Variants in SERINC1 observed in about 807,000 individuals in gnomAD.
The protein encoded by SERINC1 is tumor differentially expressed protein 2.
Under a neutral mutation model 52.9 loss-of-function variants are expected in SERINC1, and 38 were observed. The observed-to-expected ratio is 0.72, with a 90% CI of 0.55 to 0.94. The LOEUF is 0.94. Ranked by LOEUF, SERINC1 falls within the 40% of genes least tolerant of loss-of-function variation. SERINC1 has a pLI of 0.00. For synonymous variants in SERINC1, 198 were observed against 183.1 expected, an observed-to-expected ratio of 1.08 and a Z score of -0.66; for missense variants, 471 against 533.9, an observed-to-expected ratio of 0.88 and a Z score of 1.16.
At position 122,467,646 on chromosome 6, in the gene SERINC1, T is replaced by C. The variant is rs187368990; in HGVS notation, c.39+4053A>G. 2.6e-3 allele frequency among the ~76,000 whole-genome samples: 400 copies of C among 152,276 alleles called. 1 individual carries two copies. The highest frequency in any genetic ancestry group is 9.4e-3 in the African/African-American group (391 of 41,562). On this transcript the variant is annotated intron_variant, in intron 1 of 9. Transcript: ENST00000339697. Reference sequence around the variant, plus strand: ...GCAAACCAATGAACAAAAAATGTTGTGCATGAAAGGAAAAGTCATTGCATA... The same window carrying C: ...GCAAACCAATGAACAAAAAATGTTGCGCATGAAAGGAAAAGTCATTGCATA...
At chr6:122,460,482 A>C (rs183340741) in intron 1 of SERINC1, among the ~76,000 whole-genome samples, 7 of 152,352 alleles carry the variant, frequency 4.6e-5, no homozygotes, top group Non-Finnish European at 1.5e-5. Flanking sequence ...TTGGGTAAAG[A>C]TATCAGAAGG....
intron 5 of SERINC1, among the ~76,000 whole-genome samples, chr6:122,452,730 C>T (rs974927018): frequency 4.6e-5 from 7 of 152,114 alleles, no homozygotes; most frequent in Admixed American, 4.6e-4. Flanking sequence ...CCTGGGGATA[C>T]AGCAGGGAAC....
rs763838889 is a variant in SERINC1, at chr6:122,456,434, GAAGAGGCTACCC to G, written c.371+35_371+46del. 7 of 1,234,144 alleles carry G rather than the reference GAAGAGGCTACCC, an allele frequency of 5.7e-6. No individual in the cohort carries two copies. The South Asian group carries it at 1.4e-4, about 25-fold the overall frequency. 76.4% of individuals were successfully genotyped at this position (1,234,144 alleles called of 1,614,324 possible). On this transcript the variant is annotated intron_variant, in intron 3 of 9. Transcript: ENST00000339697. Reference sequence around the variant, plus strand: ...CCTTGGATAAACTGGCAATTATCAAGAAGAGGCTACCCAAGCTTTTATATTGAAGCTTATTTA... The same window carrying G: ...CCTTGGATAAACTGGCAATTATCAAGAAGCTTTTATATTGAAGCTTATTTA...
intron 7 of SERINC1, 62 bp from the exon 8 acceptor site, chr6:122,447,327 C>T (rs1774823754): frequency 7.3e-7 from 1 of 1,375,588 alleles, no homozygotes; most frequent in African/African-American, 1.4e-5. Flanking sequence ...TCAGAGCAAA[C>T]AAAAGTTATT....
intron 9 of SERINC1, among the ~76,000 whole-genome samples, chr6:122,445,813 GA>G (rs1019866531): frequency 2.8e-4 from 20 of 71,834 alleles, no homozygotes; most frequent in Non-Finnish European, 4.0e-4. Flanking sequence ...GTGAACCTGG[GA>G]GACAGCTTGC....
rs761273400 is a variant in SERINC1, at chr6:122,445,026, T to C, written c.*18A>G. The C allele has an allele frequency of 1.9e-6, 3 of 1,603,452 alleles. No homozygotes were observed. Among genetic ancestry groups the C allele is most frequent in the Non-Finnish European group, 1.7e-6 (2 of 1,175,784 alleles). On this transcript the variant is annotated 3_prime_UTR_variant, in exon 10 of 10. Transcript: ENST00000339697. ...ATAAGCAATAATCAAAGTGGGACTT[T>C]CATGCTAGAAGTCTCACTCAGTCAA...
chr6:122,454,144 T>G lies in SERINC1; in HGVS notation c.451+7A>C, dbSNP rs1469875746. The G allele has an allele frequency of 6.7e-7, 1 of 1,494,944 alleles. No homozygotes were observed. The highest frequency in any genetic ancestry group is 1.7e-4 in the Middle Eastern group (1 of 5,776). 92.6% of individuals were successfully genotyped at this position (1,494,944 alleles called of 1,614,324 possible). A position where few individuals can be genotyped will look rare whatever the true frequency, so the allele number is the denominator to read the frequency against. On this transcript the variant is annotated splice_region_variant and intron_variant, in intron 4 of 9. Transcript: ENST00000339697. The stretch of plus-strand genomic sequence containing the variant: ...CAATGTCAAACAACTTAAAAAGGAT[T>G]TCTTACCAGTTGTAAAAGTTCCTTC...
At chr6:122,457,804 C>CAT (rs60098882) in intron 2 of SERINC1, among the ~76,000 whole-genome samples, 3,169 of 147,332 alleles carry the variant, frequency 0.022, 77 homozygotes, top group African/African-American at 0.064. Flanking sequence ...GTAAGACATA[C>CAT]ATATATATAT....
At chr6:122,451,776 A>AAAAAT in intron 6 of SERINC1, 22 bp from the exon 7 acceptor site, 10 of 113,048 alleles carry the variant, frequency 8.8e-5, no homozygotes, top group Non-Finnish European at 1.4e-4. Context: ...AAAAAAAAAA[A>AAAAAT]ATATATATAT....
intron 3 of SERINC1, chr6:122,454,643 C>A (rs1273597583): frequency 6.0e-6 from 1 of 165,634 alleles, no homozygotes; most frequent in Admixed American, 6.4e-5. Context: ...CTACTGGACA[C>A]TGGCTCTGAG....
intron 1 of SERINC1, among the ~76,000 whole-genome samples, chr6:122,468,215 T>C (rs1775218978): frequency 6.6e-6 from 1 of 152,230 alleles, no homozygotes; most frequent in African/African-American, 2.4e-5. Context: ...CCAACTTCAA[T>C]GTCTTATACA....
chr6:122,471,230 C>A (rs567359371), intron 1 of SERINC1, among the ~76,000 whole-genome samples: 6 of 152,068 alleles, frequency 3.9e-5, no homozygotes, highest in Middle Eastern at 6.8e-3. Context: ...ATCTGCGCCA[C>A]TGAACAAAGA....
At chr6:122,445,929 C>T (rs999590149) in intron 9 of SERINC1, among the ~76,000 whole-genome samples, 10 of 142,936 alleles carry the variant, frequency 7.0e-5, no homozygotes, top group South Asian at 2.3e-4. Context: ...TAGCTTAATA[C>T]GCTACAGTGT....
intron 1 of SERINC1, among the ~76,000 whole-genome samples, chr6:122,459,643 G>A (rs1775065518): frequency 1.3e-5 from 2 of 152,138 alleles, no homozygotes; most frequent in African/African-American, 2.4e-5. Flanking sequence ...TAAGGCATAT[G>A]AAGAATTCAG....
At chr6:122,469,034 AAT>A (rs1775230920) in intron 1 of SERINC1, among the ~76,000 whole-genome samples, 1 of 152,202 alleles carries the variant, frequency 6.6e-6, no homozygotes, top group Non-Finnish European at 1.5e-5. Flanking sequence ...TGTTTAAAGT[AAT>A]TAACAATCAA....
intron 1 of SERINC1, among the ~76,000 whole-genome samples, chr6:122,469,979 T>C (rs72958541): frequency 0.031 from 4,761 of 152,198 alleles, 113 homozygotes; most frequent in Non-Finnish European, 0.046. Flanking sequence ...TGGCCTGCAG[T>C]AAAATCAAAC....
chr6:122,458,297 A>C (rs1476643212), intron 2 of SERINC1, among the ~76,000 whole-genome samples: 3 of 152,106 alleles, frequency 2.0e-5, no homozygotes, highest in Non-Finnish European at 4.4e-5. Flanking sequence ...TTAGAATTAT[A>C]CTTCTTTCTG....
intron 9 of SERINC1, among the ~76,000 whole-genome samples, chr6:122,446,335 A>T (rs896620142): frequency 1.3e-5 from 2 of 152,190 alleles, no homozygotes; most frequent in Admixed American, 6.5e-5. Context: ...CTAAGCTTGT[A>T]AAAATTGTGG....
At chr6:122,459,057 G>C (rs1035791176) in intron 1 of SERINC1, among the ~76,000 whole-genome samples, 1 of 152,054 alleles carries the variant, frequency 6.6e-6, no homozygotes, top group African/African-American at 2.4e-5. Context: ...CCAGATACTA[G>C]ACTGATGAAT....
Sources: allele counts gnomAD v4.1 joint callset (sites outside exome capture counted in the v4.1 genomes callset), GRCh38; gene constraint gnomAD v4.1.1; transcripts MANE v1.5; gene names NCBI Gene and HGNC (gene_info 2026-07-23, HGNC 2026-07-21).